SMURF2: variants seen among roughly 807,000 people sequenced by gnomAD.
SMURF2 encodes SMAD specific E3 ubiquitin protein ligase 2, also known as E3 ubiquitin-protein ligase SMURF2.
In SMURF2, 48 loss-of-function variants were observed where a neutral mutation model predicts 109.6. The ratio of observed to expected loss-of-function variants is 0.44; its 90% confidence interval spans 0.35 to 0.56. SMURF2 has a LOEUF of 0.56. Among genes scored for constraint, SMURF2 ranks in the 20% least tolerant of loss-of-function variants. The pLI is 0.01. For missense variants in SMURF2, 575 were observed against 909.0 expected (o/e 0.63, Z 4.72); for synonymous variants, 288 against 317.1 (o/e 0.91, Z 0.97).
chr17:64,628,550 A>C (rs925542914), intron 1 of SMURF2, among the ~76,000 whole-genome samples: 7 of 152,166 alleles, frequency 4.6e-5, no homozygotes, highest in African/African-American at 1.7e-4. Context: ...AATAGTTTCT[A>C]AATTACCGCG....
chr17:64,549,711 T>C (rs1598266437), intron 16 of SMURF2, among the ~76,000 whole-genome samples: 2 of 152,050 alleles, frequency 1.3e-5, no homozygotes, highest in East Asian at 1.9e-4. Flanking sequence ...TAAGTGGAGA[T>C]TGTGCCACTG....
At chr17:64,618,735 T>C (rs1163984641) in intron 1 of SMURF2, among the ~76,000 whole-genome samples, 1 of 152,234 alleles carries the variant, frequency 6.6e-6, no homozygotes, top group Non-Finnish European at 1.5e-5. Context: ...TTCAAGTATA[T>C]ACTTGCAATG....
chr17:64,581,021 A>G lies in SMURF2; in HGVS notation c.570-30T>C, dbSNP rs1555686543. 6.3e-6 allele frequency: 10 copies of G among 1,596,146 alleles called. No individual in the cohort carries two copies. The highest frequency in any genetic ancestry group is 8.6e-6 in the Non-Finnish European group (10 of 1,163,992). ...TGAAAATTAACAAGGAAAAGATGTT[A>G]TCAATTTAGATATCAAAAGTAGAGT... On this transcript the variant is annotated intron_variant, in intron 7 of 18. Coordinates refer to ENST00000262435, the MANE Select transcript of SMURF2 (RefSeq NM_022739.4). The surrounding 1 kb of genome is among the most constrained non-coding windows in gnomAD (Gnocchi z 4.3).
intron 8 of SMURF2, among the ~76,000 whole-genome samples, chr17:64,579,370 ATATT>A (rs1367053590): frequency 1.3e-5 from 2 of 152,204 alleles, no homozygotes; most frequent in Non-Finnish European, 2.9e-5. Context: ...ACTATTACTA[ATATT>A]TATTAGTATA....
intron 10 of SMURF2, among the ~76,000 whole-genome samples, chr17:64,568,381 A>G (rs1406753131): frequency 6.6e-6 from 1 of 152,186 alleles, no homozygotes; most frequent in African/African-American, 2.4e-5. Context: ...GAGTTGGACA[A>G]GCTTGACCTA....
At chr17:64,615,173 T>C (rs1970104203) in intron 1 of SMURF2, among the ~76,000 whole-genome samples, 1 of 152,126 alleles carries the variant, frequency 6.6e-6, no homozygotes, top group African/African-American at 2.4e-5. Flanking sequence ...AGCTCCCAAC[T>C]ACTTAGTATA....
chr17:64,651,427 A>C (rs1436362476), intron 1 of SMURF2, among the ~76,000 whole-genome samples: 1 of 150,266 alleles, frequency 6.7e-6, no homozygotes, highest in Non-Finnish European at 1.5e-5. Context: ...TAAAAATTAC[A>C]CGGGCATGGT....
intron 1 of SMURF2, among the ~76,000 whole-genome samples, chr17:64,645,082 A>G (rs1434258281): frequency 2.0e-5 from 3 of 152,084 alleles, no homozygotes; most frequent in Non-Finnish European, 2.9e-5. Context: ...GATGGGTAAC[A>G]GCATCATCTA....
Position 64,568,875 on chromosome 17 carries a change from G to A in SMURF2, c.1016+2923C>T, listed in dbSNP as rs561548584. On this transcript the variant is annotated intron_variant, in intron 10 of 18. Transcript: ENST00000262435. The stretch of plus-strand genomic sequence containing the variant: ...AAATTAGCTGGGCGTGGTGGTGCGC[G>A]CCTGTAGTCCCAGCTACTCAGGAGG... 9.2e-5 allele frequency among the ~76,000 whole-genome samples: 14 copies of A among 151,690 alleles called. 1 individual carries two copies. In the South Asian group the frequency reaches 1.7e-3, roughly 18 times the overall value.
chr17:64,619,478 C>CAAAAA (rs552413988), intron 1 of SMURF2, among the ~76,000 whole-genome samples: 21 of 34,882 alleles, frequency 6.0e-4, no homozygotes, highest in Non-Finnish European at 9.2e-4. Flanking sequence ...ACTCTTGTCT[C>CAAAAA]AAAAAAAAAA....
At chr17:64,583,849 G>C (rs925596565) in intron 6 of SMURF2, among the ~76,000 whole-genome samples, 12 of 149,154 alleles carry the variant, frequency 8.0e-5, no homozygotes, top group East Asian at 3.9e-4. Context: ...ATGGAAAATG[G>C]CTATACTAAG....
At chr17:64,620,370 A>C (rs1345807434) in intron 1 of SMURF2, among the ~76,000 whole-genome samples, 2 of 152,192 alleles carry the variant, frequency 1.3e-5, no homozygotes, top group African/African-American at 4.8e-5. Flanking sequence ...CTAGGAAAAG[A>C]GTTTAGGCAT....
intron 3 of SMURF2, among the ~76,000 whole-genome samples, chr17:64,595,757 A>C (rs1555688041): frequency 1.3e-5 from 2 of 152,040 alleles, no homozygotes; most frequent in Non-Finnish European, 2.9e-5. Flanking sequence ...AGTACAAGAA[A>C]GATGTTCAAC....
chr17:64,651,555 G>A (rs1334528764), intron 1 of SMURF2, among the ~76,000 whole-genome samples: 3 of 148,676 alleles, frequency 2.0e-5, no homozygotes, highest in South Asian at 2.1e-4. Flanking sequence ...CTGGGCGACA[G>A]AGCAAGACCC....
At chr17:64,553,093 A>C (rs117642070) in intron 15 of SMURF2, among the ~76,000 whole-genome samples, 2,589 of 152,236 alleles carry the variant, frequency 0.017, 37 homozygotes, top group Middle Eastern at 0.058. Context: ...AGACAGTAAA[A>C]TATGAAAGTC....
intron 1 of SMURF2, among the ~76,000 whole-genome samples, chr17:64,652,070 G>C (rs1970646756): frequency 6.6e-6 from 1 of 152,144 alleles, no homozygotes; most frequent in Non-Finnish European, 1.5e-5. Context: ...CTGGTAAACA[G>C]ACACTTACGT....
Position 64,580,958 on chromosome 17 carries a change from A to T in SMURF2, c.603T>A (p.Pro201=). ...PASEYSSPGR[P]LSCFVDENTP... is the part of the protein sequence containing the mutation. The stretch of plus-strand genomic sequence containing the variant: ...TGTTCTCATCAACAAAGCAGCTAAG[A>T]GGTCTGCCAGGGCTAGAATATTCGG... Residue 201 remains proline (P), a synonymous_variant, in exon 8 of 19, where the codon CCT becomes CCA. Coordinates refer to ENST00000262435, the MANE Select transcript of SMURF2 (RefSeq NM_022739.4). 2.5e-6 allele frequency: 4 copies of T among 1,614,178 alleles called. No individual in the cohort carries two copies. Among genetic ancestry groups the T allele is most frequent in the Non-Finnish European group, 3.4e-6 (4 of 1,180,020 alleles).
chr17:64,607,996 CATAA>C (rs55747507), intron 1 of SMURF2, among the ~76,000 whole-genome samples: 18,577 of 135,494 alleles, frequency 0.14, 1,497 homozygotes, highest in African/African-American at 0.21. Context: ...AAGACTCTGT[CATAA>C]ATAAATAAAT....
At chr17:64,550,361 T>C (rs1027161465) in intron 16 of SMURF2, among the ~76,000 whole-genome samples, 5 of 152,254 alleles carry the variant, frequency 3.3e-5, no homozygotes, top group African/African-American at 4.8e-5. Context: ...TCGTGTTTTT[T>C]AGTTGTTCAG....
Sources: gnomAD v4.1 joint callset for allele counts (sites outside exome capture counted in the v4.1 genomes callset) on GRCh38, gnomAD v4.1.1 for gene constraint, Gnocchi (gnomAD v3.1) non-coding constraint, MANE v1.5 for transcripts, NCBI Gene and HGNC (gene_info 2026-07-23, HGNC 2026-07-21) for gene names.